The following ANO6 variants were observed in gnomAD, a reference collection of about 807,000 sequenced individuals.
ANO6 encodes anoctamin 6, also known as anoctamin-6.
ANO6 carries 106 observed loss-of-function variants against 117.5 expected under a neutral mutation model. That is an observed-to-expected ratio of 0.90 (90% CI 0.77 to 1.06). The LOEUF (loss-of-function observed/expected upper bound fraction) is 1.06. Among genes scored for constraint, ANO6 ranks in the 50% least tolerant of loss-of-function variants. The pLI, the probability that ANO6 is intolerant of heterozygous loss-of-function variation, is 0.00. For missense variants in ANO6, 955 were observed against 1,121.1 expected, an observed-to-expected ratio of 0.85 and a Z score of 2.12; for synonymous variants, 367 against 385.1, an observed-to-expected ratio of 0.95 and a Z score of 0.55.
chr12:45,219,251 T>A (rs539318174), intron 1 of ANO6, among the ~76,000 whole-genome samples: 1 of 152,322 alleles, frequency 6.6e-6, no homozygotes, highest in South Asian at 2.1e-4. Context: ...TATGTATGTA[T>A]ATGGAAATGT....
intron 15 of ANO6, among the ~76,000 whole-genome samples, chr12:45,407,431 C>T (rs542221819): frequency 3.1e-5 from 4 of 127,822 alleles, no homozygotes; most frequent in South Asian, 2.6e-4. Flanking sequence ...CCTTAGAGTT[C>T]GGTGTCATGA....
intron 19 of ANO6, 63 bp downstream of exon 19, chr12:45,423,125 G>T: frequency 8.4e-7 from 1 of 1,187,226 alleles, no homozygotes; most frequent in Non-Finnish European, 1.3e-6. Flanking sequence ...TCCATTAAGT[G>T]TTGCCAACTC....
intron 1 of ANO6, among the ~76,000 whole-genome samples, chr12:45,241,454 AC>A (rs1303494948): frequency 6.6e-6 from 1 of 152,078 alleles, no homozygotes; most frequent in African/African-American, 2.4e-5. Context: ...CATTCATCTA[AC>A]CTTTTTTCAA....
At chr12:45,375,487 G>C (rs1593033475) in intron 9 of ANO6, among the ~76,000 whole-genome samples, 1 of 152,106 alleles carries the variant, frequency 6.6e-6, no homozygotes, top group East Asian at 1.9e-4. Context: ...AAACAGCATG[G>C]TACTGGTACC....
At chr12:45,217,770 G>T (rs1947338407) in intron 1 of ANO6, among the ~76,000 whole-genome samples, 1 of 152,176 alleles carries the variant, frequency 6.6e-6, no homozygotes, top group Admixed American at 6.5e-5. Context: ...AGTACCTGAT[G>T]ATTACATAAA....
At chr12:45,356,487 A>T (rs113402418) in intron 7 of ANO6, among the ~76,000 whole-genome samples, 75 of 152,340 alleles carry the variant, frequency 4.9e-4, no homozygotes, top group South Asian at 1.0e-3. Context: ...AATAACATGA[A>T]CAATCAATTA....
intron 9 of ANO6, among the ~76,000 whole-genome samples, chr12:45,368,751 G>C (rs937708178): frequency 2.0e-5 from 3 of 152,136 alleles, no homozygotes; most frequent in African/African-American, 7.2e-5. Context: ...AGTATCCCTA[G>C]AACATTGTAG....
At chr12:45,440,341 G>C (rs887738045) in exon 20 of ANO6, 1 of 152,714 alleles carries the variant, frequency 6.5e-6, no homozygotes, top group African/African-American at 2.4e-5. Flanking sequence ...CCAGGTTCAC[G>C]CCATTCTCCT....
downstream of ANO6, among the ~76,000 whole-genome samples, chr12:45,433,591 G>C (rs1943673219): frequency 6.6e-6 from 1 of 152,200 alleles, no homozygotes; most frequent in South Asian, 2.1e-4. Context: ...GAGAACTTCA[G>C]AACGGAATGC....
chr12:45,417,791 C>T (rs1321760062), intron 17 of ANO6, among the ~76,000 whole-genome samples: 1 of 152,154 alleles, frequency 6.6e-6, no homozygotes, highest in African/African-American at 2.4e-5. Context: ...TTCCCTGAGT[C>T]CCCAGCCAAA....
intron 1 of ANO6, among the ~76,000 whole-genome samples, chr12:45,275,870 C>T (rs1343634827): frequency 2.0e-5 from 3 of 152,202 alleles, no homozygotes. Flanking sequence ...CATACCTCTT[C>T]TGTCTACATG....
At chr12:45,304,026 C>T (rs766202681) in intron 2 of ANO6, among the ~76,000 whole-genome samples, 6 of 152,122 alleles carry the variant, frequency 3.9e-5, no homozygotes, top group Non-Finnish European at 7.3e-5. Context: ...ATAACATGTT[C>T]GGGAGAGAAT....
chr12:45,303,214 C>T (rs911651561), intron 2 of ANO6, among the ~76,000 whole-genome samples: 11 of 152,136 alleles, frequency 7.2e-5, no homozygotes, highest in Admixed American at 2.6e-4. Flanking sequence ...AATAGAAAGA[C>T]GTAGTATTCA....
intron 17 of ANO6, among the ~76,000 whole-genome samples, chr12:45,418,634 T>C (rs928930019): frequency 6.6e-6 from 1 of 152,178 alleles, no homozygotes; most frequent in Non-Finnish European, 1.5e-5. Context: ...TCCTCAAGCA[T>C]TCTAGATTGA....
chr12:45,235,067 A>G (rs1947626064), intron 1 of ANO6, among the ~76,000 whole-genome samples: 1 of 152,156 alleles, frequency 6.6e-6, no homozygotes, highest in African/African-American at 2.4e-5. Flanking sequence ...AAACATGCCT[A>G]GGACCTCAGT....
chr12:45,361,802 T>C (rs1941562108), intron 8 of ANO6, among the ~76,000 whole-genome samples: 1 of 152,180 alleles, frequency 6.6e-6, no homozygotes, highest in South Asian at 2.1e-4. Flanking sequence ...CAAGAATTGA[T>C]AACTTTTGTA....
intron 11 of ANO6, among the ~76,000 whole-genome samples, chr12:45,389,502 A>T (rs567674786): frequency 9.9e-5 from 15 of 152,264 alleles, no homozygotes; most frequent in Non-Finnish European, 1.9e-4. Flanking sequence ...TTTTATAGTT[A>T]AAATTGCCAG....
intron 19 of ANO6, among the ~76,000 whole-genome samples, chr12:45,437,630 C>T (rs774050917): frequency 2.0e-4 from 31 of 152,158 alleles, no homozygotes; most frequent in Middle Eastern, 3.4e-3. Context: ...AGAGCAGCGG[C>T]GCAATCTCGG....
At chr12:45,425,520 A>G (rs1943479799) in intron 19 of ANO6, among the ~76,000 whole-genome samples, 1 of 152,236 alleles carries the variant, frequency 6.6e-6, no homozygotes, top group African/African-American at 2.4e-5. Flanking sequence ...AGAGAAAACT[A>G]AGGCGAGAAT....
Sources: allele counts gnomAD v4.1 joint callset (sites outside exome capture counted in the v4.1 genomes callset), GRCh38; gene constraint gnomAD v4.1.1; transcripts MANE v1.5; gene names NCBI Gene and HGNC (gene_info 2026-07-23, HGNC 2026-07-21).